MRPS27: variants seen among roughly 807,000 people sequenced by gnomAD.
MRPS27 encodes small ribosomal subunit protein mS27.
In MRPS27, 43 loss-of-function variants were observed where a neutral mutation model predicts 48.9. The observed-to-expected ratio is 0.88, with a 90% CI of 0.69 to 1.13. MRPS27 has a LOEUF of 1.13. Among genes scored for constraint, MRPS27 ranks in the 50% most tolerant of loss-of-function variants. The pLI is 0.00. For synonymous variants in MRPS27, 188 were observed against 171.9 expected (o/e 1.09, Z -0.73); for missense variants, 467 against 476.3 (o/e 0.98, Z 0.18).
chr5:72,241,153 T>G (rs1399308495), intron 4 of MRPS27, among the ~76,000 whole-genome samples: 1 of 152,196 alleles, frequency 6.6e-6, no homozygotes, highest in East Asian at 1.9e-4. Flanking sequence ...TCCTCCTGCC[T>G]TTGCCTCCTT....
intron 4 of MRPS27, among the ~76,000 whole-genome samples, chr5:72,269,087 G>T (rs1489294498): frequency 6.6e-6 from 1 of 152,178 alleles, no homozygotes; most frequent in African/African-American, 2.4e-5. Context: ...TATTTGCAGG[G>T]TGCAGTATAA....
chr5:72,300,486 C>T (rs13187801), intron 2 of MRPS27, among the ~76,000 whole-genome samples: 1 of 152,134 alleles, frequency 6.6e-6, no homozygotes, highest in Non-Finnish European at 1.5e-5. Context: ...GTGATATTTC[C>T]ATCTGGGTGT....
chr5:72,254,762 T>C (rs1263479604), intron 4 of MRPS27, among the ~76,000 whole-genome samples: 1 of 152,172 alleles, frequency 6.6e-6, no homozygotes, highest in Non-Finnish European at 1.5e-5. Context: ...ATTAGGTACA[T>C]TTTATTTTGT....
At chr5:72,287,277 CCCT>C (rs1749697952) in intron 4 of MRPS27, among the ~76,000 whole-genome samples, 1 of 151,958 alleles carries the variant, frequency 6.6e-6, no homozygotes, top group Admixed American at 6.6e-5. Context: ...GGTTGGTGAC[CCCT>C]ACCTTAGAGA....
rs531757134 is a variant in MRPS27 at position 72,297,719 on chromosome 5, A to G, written c.152-17T>C. ...CAAGATCAGCTGTGAAGACAAAAAA[A>G]GAAAAAAAACCTTGTTAAAGATACA... On this transcript the variant is annotated splice_polypyrimidine_tract_variant and intron_variant, in intron 2 of 10. Coordinates refer to ENST00000261413, the MANE Select transcript of MRPS27 (RefSeq NM_015084.3). 77 of 1,532,760 alleles carry G rather than the reference A, an allele frequency of 5.0e-5. No homozygotes were observed. The East Asian group carries it at 6.3e-4, about 12-fold the overall frequency. The allele number at this position is 1,532,760 out of a possible 1,614,324, so 94.9% of individuals were successfully genotyped here.
At chr5:72,298,978 T>C (rs1260152128) in intron 2 of MRPS27, among the ~76,000 whole-genome samples, 1 of 151,796 alleles carries the variant, frequency 6.6e-6, no homozygotes. Flanking sequence ...GCAACATGGA[T>C]GCAGCTGGAG....
At chr5:72,295,727 T>C in intron 3 of MRPS27, 138 bp from the exon 4 acceptor site, 5 of 616,128 alleles carry the variant, frequency 8.1e-6, no homozygotes, top group Non-Finnish European at 1.4e-5. Flanking sequence ...AGTGGAACAA[T>C]GTTCACGTGG....
At chr5:72,228,204 A>G (rs1747949884) in intron 8 of MRPS27, 62 bp downstream of exon 8, 1 of 1,338,828 alleles carries the variant, frequency 7.5e-7, no homozygotes, top group African/African-American at 1.5e-5. Context: ...TTTATTATGA[A>G]CTGGAAGAAT....
intron 4 of MRPS27, among the ~76,000 whole-genome samples, chr5:72,252,890 C>T (rs1468205914): frequency 6.6e-6 from 1 of 152,128 alleles, no homozygotes; most frequent in Non-Finnish European, 1.5e-5. Context: ...CTAGAGAGGG[C>T]TCATCCAATT....
chr5:72,260,981 A>G (rs1391665834), intron 4 of MRPS27, among the ~76,000 whole-genome samples: 1 of 152,110 alleles, frequency 6.6e-6, no homozygotes, highest in Non-Finnish European at 1.5e-5. Flanking sequence ...CTCATGCCTC[A>G]GTCTCCCAAG....
chr5:72,235,768 T>C (rs1302342041), intron 5 of MRPS27, among the ~76,000 whole-genome samples: 1 of 152,174 alleles, frequency 6.6e-6, no homozygotes, highest in Admixed American at 6.6e-5. Flanking sequence ...ACATAAATCC[T>C]TCCTTCCTAG....
chr5:72,312,279 G>T (rs565349663), intron 2 of MRPS27, among the ~76,000 whole-genome samples: 16 of 152,122 alleles, frequency 1.1e-4, no homozygotes, highest in Middle Eastern at 3.4e-3. Flanking sequence ...TATAAGCAAA[G>T]TTTTTTTAAT....
At chr5:72,277,472 C>T (rs997128392) in intron 4 of MRPS27, among the ~76,000 whole-genome samples, 8 of 151,934 alleles carry the variant, frequency 5.3e-5, no homozygotes, top group East Asian at 3.9e-4. Flanking sequence ...GGCATGGTGG[C>T]GCATGTCTGT....
intron 4 of MRPS27, among the ~76,000 whole-genome samples, chr5:72,279,524 A>C (rs1047088271): frequency 2.6e-5 from 4 of 152,204 alleles, no homozygotes; most frequent in Admixed American, 6.5e-5. Context: ...TAGGAGGCGA[A>C]GATGGGAGGA....
At chr5:72,297,879 AT>A (rs1180355990) in intron 2 of MRPS27, among the ~76,000 whole-genome samples, 177 bp from the exon 3 acceptor site, 1 of 152,200 alleles carries the variant, frequency 6.6e-6, no homozygotes, top group Non-Finnish European at 1.5e-5. Flanking sequence ...TTTAAAAATG[AT>A]TTAATTGGGT....
intron 4 of MRPS27, among the ~76,000 whole-genome samples, chr5:72,251,730 C>G (rs1437043239): frequency 6.6e-6 from 1 of 152,194 alleles, no homozygotes; most frequent in Non-Finnish European, 1.5e-5. Flanking sequence ...TGGCTTGGAT[C>G]TGTGGTTGGG....
chr5:72,268,079 C>T (rs1749145866), intron 4 of MRPS27, among the ~76,000 whole-genome samples: 1 of 152,204 alleles, frequency 6.6e-6, no homozygotes, highest in Non-Finnish European at 1.5e-5. Context: ...TCAGCCTCAA[C>T]AATTCCCCTC....
rs377056801 is a variant in MRPS27 at position 72,236,142 on chromosome 5, C to T, written c.396+1872G>A. On this transcript the variant is annotated intron_variant, in intron 5 of 10. Coordinates refer to ENST00000261413, the MANE Select transcript of MRPS27 (RefSeq NM_015084.3). ...TGTTTTCTCCCCTATACTGTGAACC[C>T]GAAACTGACAGAAAAATTTAAACTT... is the stretch of plus-strand genomic sequence containing the variant. Among the ~76,000 whole-genome samples the T allele has an allele frequency of 3.3e-5, 5 of 152,144 alleles. No individual in the cohort carries two copies. The East Asian group carries it at 9.7e-4, about 29-fold the overall frequency.
chr5:72,256,589 C>A (rs1748813520), intron 4 of MRPS27, among the ~76,000 whole-genome samples: 1 of 152,170 alleles, frequency 6.6e-6, no homozygotes, highest in Non-Finnish European at 1.5e-5. Flanking sequence ...CCTTTTCACC[C>A]AGCTATCCAA....
Sources: allele counts gnomAD v4.1 joint callset (sites outside exome capture counted in the v4.1 genomes callset), GRCh38; gene constraint gnomAD v4.1.1; transcripts MANE v1.5; gene names NCBI Gene and HGNC (gene_info 2026-07-23, HGNC 2026-07-21).